MLXIP: variants seen among roughly 807,000 people sequenced by gnomAD.
MLXIP encodes the protein MLX interacting protein, also known as MLX-interacting protein.
MLXIP carries 30 observed loss-of-function variants against 87.2 expected under a neutral mutation model. That is an observed-to-expected ratio of 0.34 (90% confidence interval 0.26 to 0.47). The LOEUF (loss-of-function observed/expected upper bound fraction) is 0.47. Ranked by LOEUF, MLXIP falls within the 20% of genes least tolerant of loss-of-function variation. MLXIP has a pLI of 1.00. For missense variants in MLXIP, 1,002 were observed against 1,240.1 expected, an observed-to-expected ratio of 0.81 and a Z score of 2.88; for synonymous variants, 530 against 514.0, an observed-to-expected ratio of 1.03 and a Z score of -0.42.
intron 6 of MLXIP, among the ~76,000 whole-genome samples, chr12:122,130,362 A>T (rs7488268): frequency 0.51 from 76,811 of 151,788 alleles, 19,919 homozygotes; most frequent in Middle Eastern, 0.64. Flanking sequence ...GGAGGACAGC[A>T]GCAGGGTCTA....
At chr12:122,116,010 T>G (rs1257255417) in intron 1 of MLXIP, among the ~76,000 whole-genome samples, 2 of 151,584 alleles carry the variant, frequency 1.3e-5, no homozygotes, top group Admixed American at 1.3e-4. Context: ...AAGATCATGC[T>G]GCTGCAATCC....
intron 1 of MLXIP, among the ~76,000 whole-genome samples, chr12:122,110,430 G>A (rs1565970151): frequency 1.3e-5 from 2 of 152,020 alleles, no homozygotes; most frequent in African/African-American, 2.4e-5. Context: ...TGGGATTACA[G>A]GTATGTGCCA....
intron 1 of MLXIP, among the ~76,000 whole-genome samples, chr12:122,112,387 C>G (rs1293019412): frequency 6.6e-6 from 1 of 152,034 alleles, no homozygotes; most frequent in Non-Finnish European, 1.5e-5. Flanking sequence ...GCCTGTAATC[C>G]CAGCACTTTG....
At position 122,088,049 on chromosome 12, in the gene MLXIP, G is replaced by A. The variant is rs146502509; in HGVS notation, c.413+8783G>A. ...AGTGCACAAAGCTCGGCTGCCTGGGGGCTGCCCTGACAGCCAGAGCCGTGG... is the reference window on the plus strand; with the variant it reads ...AGTGCACAAAGCTCGGCTGCCTGGGAGCTGCCCTGACAGCCAGAGCCGTGG... On this transcript the variant is annotated intron_variant, in intron 1 of 16. Transcript: ENST00000319080. 7.5e-3 allele frequency among the ~76,000 whole-genome samples: 1,144 copies of A among 152,314 alleles called. 10 individuals carry two copies. Among genetic ancestry groups the A allele is most frequent in the African/African-American group, 0.025 (1,046 of 41,570 alleles).
chr12:122,087,734 G>T (rs1340888342), intron 1 of MLXIP, among the ~76,000 whole-genome samples: 1 of 152,186 alleles, frequency 6.6e-6, no homozygotes, highest in Non-Finnish European at 1.5e-5. Flanking sequence ...GCTGGGGCCA[G>T]TCTACAGGAG....
intron 1 of MLXIP, among the ~76,000 whole-genome samples, chr12:122,099,894 G>C (rs952435607): frequency 2.6e-5 from 4 of 152,172 alleles, no homozygotes; most frequent in Admixed American, 6.5e-5. Context: ...GTGAGAAGAT[G>C]GAGACTACAT....
At chr12:122,136,839 TC>T (rs1241085755) in intron 11 of MLXIP, 1 of 152,022 alleles carries the variant, frequency 6.6e-6, no homozygotes, top group Non-Finnish European at 1.5e-5. Context: ...CCTCAAATAA[TC>T]GAGGGAGAGG....
At chr12:122,101,249 G>A (rs549476457) in intron 1 of MLXIP, among the ~76,000 whole-genome samples, 137 of 152,176 alleles carry the variant, frequency 9.0e-4, no homozygotes, top group Admixed American at 3.1e-3. Flanking sequence ...TCAAATGCAG[G>A]ATTCAGACAT....
chr12:122,091,871 T>C (rs1952249962), intron 1 of MLXIP, among the ~76,000 whole-genome samples: 4 of 152,160 alleles, frequency 2.6e-5, no homozygotes, highest in Non-Finnish European at 2.9e-5. Flanking sequence ...CCTAGTGTTA[T>C]GAGATTCGAC....
At chr12:122,096,245 T>G (rs1444754268) in intron 1 of MLXIP, among the ~76,000 whole-genome samples, 2 of 152,192 alleles carry the variant, frequency 1.3e-5, no homozygotes, top group African/African-American at 2.4e-5. Flanking sequence ...ACCCGGCTTC[T>G]GCAGTGTTTC....
intron 1 of MLXIP, among the ~76,000 whole-genome samples, chr12:122,125,274 G>A (rs1952863076): frequency 6.6e-6 from 1 of 151,686 alleles, no homozygotes; most frequent in South Asian, 2.1e-4. Context: ...GGAAGTTGCA[G>A]TGAGCCAAGA....
intron 1 of MLXIP, among the ~76,000 whole-genome samples, chr12:122,111,111 T>C (rs1215667549): frequency 2.6e-5 from 4 of 152,002 alleles, no homozygotes; most frequent in African/African-American, 9.7e-5. Context: ...TTATAGGTCT[T>C]GGCTACCTGG....
intron 15 of MLXIP, among the ~76,000 whole-genome samples, chr12:122,140,629 G>T (rs567417810): frequency 6.6e-6 from 1 of 152,286 alleles, no homozygotes; most frequent in African/African-American, 2.4e-5. Flanking sequence ...TGCCTTTGAT[G>T]TTCCTGGCAC....
chr12:122,098,176 A>T (rs939856969), intron 1 of MLXIP, among the ~76,000 whole-genome samples: 6 of 152,104 alleles, frequency 3.9e-5, no homozygotes, highest in Non-Finnish European at 8.8e-5. Flanking sequence ...GAGATGACTG[A>T]CCCTGATTGG....
At chr12:122,116,544 C>T (rs1373778098) in intron 1 of MLXIP, among the ~76,000 whole-genome samples, 2 of 152,170 alleles carry the variant, frequency 1.3e-5, no homozygotes, top group South Asian at 2.1e-4. Context: ...CGGAGGAGCA[C>T]CTTGGGGTCT....
intron 1 of MLXIP, among the ~76,000 whole-genome samples, chr12:122,109,504 A>G (rs1426691090): frequency 6.6e-6 from 1 of 152,252 alleles, no homozygotes; most frequent in East Asian, 1.9e-4. Flanking sequence ...CTTTTCACAG[A>G]CAGGAAAGAA....
rs1953235721 is a variant in MLXIP at position 122,142,928 on chromosome 12, A to G, written c.*1116A>G. ...TCTCAGATCAGACAGCAAAGAATCT[A>G]CCCAGATCTGGGCTGGGTGGAGGTG... On this transcript the variant is annotated 3_prime_UTR_variant, in exon 17 of 17. Transcript: ENST00000319080. 6.5e-6 allele frequency: 1 copy of G among 153,668 alleles called. No individual in the cohort carries two copies. The highest frequency in any genetic ancestry group is 1.5e-5 in the Non-Finnish European group (1 of 68,934). The allele number at this position is 153,668 out of a possible 1,614,324, so 9.5% of individuals were successfully genotyped here. A position where few individuals can be genotyped will look rare whatever the true frequency, so the allele number is the denominator to read the frequency against.
intron 15 of MLXIP, among the ~76,000 whole-genome samples, chr12:122,139,803 G>A (rs4758653): frequency 0.49 from 74,841 of 151,990 alleles, 18,907 homozygotes; most frequent in Admixed American, 0.56. Flanking sequence ...CCTCCTGAGT[G>A]GCTGGAACTA....
Position 122,137,383 on chromosome 12 carries a change from T to G in MLXIP, c.2033-86T>G. 1 of 1,499,396 alleles carries G rather than the reference T, an allele frequency of 6.7e-7. No homozygotes were observed. Among genetic ancestry groups the G allele is most frequent in the African/African-American group, 1.4e-5 (1 of 71,440 alleles). 92.9% of individuals were successfully genotyped at this position (1,499,396 alleles called of 1,614,324 possible). A position where few individuals can be genotyped will look rare whatever the true frequency, so the allele number is the denominator to read the frequency against. On this transcript the variant is annotated intron_variant, in intron 11 of 16. Coordinates refer to ENST00000319080, the MANE Select transcript of MLXIP (RefSeq NM_014938.6). This position sits in a 1 kb window ranked among gnomAD's most constrained non-coding sequence, Gnocchi z 4.1. ...CAATACGTGGCTAGCAGCGAGCACC[T>G]CATAACCCTGCAGAGACCCCAGGCT... is the stretch of plus-strand genomic sequence containing the variant.
Sources: allele counts gnomAD v4.1 joint callset (sites outside exome capture counted in the v4.1 genomes callset), GRCh38; gene constraint gnomAD v4.1.1; non-coding constraint Gnocchi (gnomAD v3.1); transcripts MANE v1.5; gene names NCBI Gene and HGNC (gene_info 2026-07-23, HGNC 2026-07-21).